The following KAZN variants were observed in gnomAD, a reference collection of about 807,000 sequenced individuals.
KAZN encodes the protein kazrin, periplakin interacting protein.
Under a neutral mutation model 87.4 loss-of-function variants are expected in KAZN, and 40 were observed. The observed-to-expected ratio is 0.46, with a 90% CI of 0.36 to 0.60. The LOEUF (loss-of-function observed/expected upper bound fraction) is 0.60, where lower values mean the gene tolerates loss of function less well. Among genes scored for constraint, KAZN ranks in the 20% least tolerant of loss-of-function variants. The probability of loss-of-function intolerance (pLI) is 0.00; values close to 1 mark genes in which losing one functional copy is unlikely to be tolerated. For missense variants in KAZN, 898 were observed against 1,073.9 expected (o/e 0.84, Z 2.29); for synonymous variants, 466 against 458.3 (o/e 1.02, Z -0.22).
At chr1:14,210,947 C>T (rs990581773) in intron 2 of KAZN, among the ~76,000 whole-genome samples, 3 of 152,004 alleles carry the variant, frequency 2.0e-5, no homozygotes, top group African/African-American at 7.2e-5. Context: ...ACTGTACACT[C>T]ATTGGAGAAT....
intron 2 of KAZN, chr1:14,351,157 C>G (rs1658524743): frequency 1.3e-5 from 2 of 152,198 alleles, no homozygotes; most frequent in South Asian, 4.1e-4. Flanking sequence ...CTGTTCTCAT[C>G]GAATCTCTGG....
intron 1 of KAZN, among the ~76,000 whole-genome samples, chr1:14,759,673 A>G (rs1159092029): frequency 6.6e-6 from 1 of 152,198 alleles, no homozygotes; most frequent in East Asian, 1.9e-4. Context: ...GGCAGGAGGA[A>G]GGAGGGGTTT....
At chr1:14,501,572 G>GT (rs1372616568) in intron 2 of KAZN, among the ~76,000 whole-genome samples, 3 of 152,064 alleles carry the variant, frequency 2.0e-5, no homozygotes, top group Non-Finnish European at 2.9e-5. Flanking sequence ...AAACACTTTG[G>GT]TATAAAGTCA....
chr1:14,206,145 A>G (rs892551902), intron 2 of KAZN, among the ~76,000 whole-genome samples: 11 of 152,170 alleles, frequency 7.2e-5, no homozygotes, highest in Admixed American at 1.3e-4. Flanking sequence ...TCTCATTTCC[A>G]TTTTTAATTT....
At chr1:15,058,079 G>A (rs1459825571) in intron 5 of KAZN, among the ~76,000 whole-genome samples, 2 of 152,310 alleles carry the variant, frequency 1.3e-5, no homozygotes, top group Admixed American at 6.5e-5. Flanking sequence ...CTATGCTCCT[G>A]TAAAGTTGGG....
intron 1 of KAZN, among the ~76,000 whole-genome samples, chr1:14,883,351 AAAGAAAAGAAAGAAAGAAAGAAAG>A (rs1247958944): frequency 3.2e-5 from 1 of 30,988 alleles, no homozygotes; most frequent in Non-Finnish European, 6.8e-5. Flanking sequence ...AGAAAGAAAG[AAAGAAAAGAAAGAAAGAAAGAAAG>A]AAAGAAAGAA....
chr1:14,890,509 C>T (rs1243660308), intron 1 of KAZN, among the ~76,000 whole-genome samples: 1 of 150,734 alleles, frequency 6.6e-6, no homozygotes, highest in East Asian at 1.9e-4. Context: ...AAATTTAAAT[C>T]TTTTTTTTTT....
intron 1 of KAZN, among the ~76,000 whole-genome samples, chr1:14,178,409 TTTA>T (rs1646129967): frequency 6.6e-6 from 1 of 152,210 alleles, no homozygotes; most frequent in African/African-American, 2.4e-5. Flanking sequence ...TTTGGATAGT[TTTA>T]TTGCTATGAT....
intron 1 of KAZN, among the ~76,000 whole-genome samples, chr1:14,736,468 T>A (rs1643911316): frequency 1.8e-5 from 1 of 56,088 alleles, no homozygotes; most frequent in Non-Finnish European, 4.4e-5. Context: ...CCAGCTAATT[T>A]TTTTTTTTTT....
chr1:14,122,589 T>C (rs1041112322), intron 1 of KAZN, among the ~76,000 whole-genome samples: 2 of 152,340 alleles, frequency 1.3e-5, no homozygotes, highest in African/African-American at 4.8e-5. Flanking sequence ...TTCTCTATTC[T>C]GTTACAGTAG....
intron 2 of KAZN, among the ~76,000 whole-genome samples, chr1:14,373,198 A>AAAAT (rs1214725416): frequency 2.0e-5 from 3 of 149,166 alleles, no homozygotes; most frequent in Non-Finnish European, 4.4e-5. Flanking sequence ...TGAAAAACTG[A>AAAAT]ATATATATAT....
chr1:14,447,678 G>C (rs1240295759), intron 2 of KAZN, among the ~76,000 whole-genome samples: 4 of 152,216 alleles, frequency 2.6e-5, no homozygotes, highest in South Asian at 2.1e-4. Context: ...CTAAAGCTGA[G>C]ATTCTGGCTC....
At chr1:13,929,368 G>A (rs12123612) in intron 1 of KAZN, among the ~76,000 whole-genome samples, 20,144 of 152,146 alleles carry the variant, frequency 0.13, 1,416 homozygotes, top group South Asian at 0.21. Flanking sequence ...ATTGGAGAGC[G>A]AGGTTGACTC....
intron 1 of KAZN, among the ~76,000 whole-genome samples, chr1:14,755,087 C>CAAAAAAAAAAAA (rs3032756): frequency 8.7e-6 from 1 of 115,572 alleles, no homozygotes; most frequent in Non-Finnish European, 1.7e-5. Context: ...ACTAAAAATG[C>CAAAAAAAAAAAA]AAAAAAAAAA....
chr1:14,938,843 A>C (rs1660744676), intron 1 of KAZN, among the ~76,000 whole-genome samples: 1 of 152,222 alleles, frequency 6.6e-6, no homozygotes, highest in Non-Finnish European at 1.5e-5. Context: ...AATGAGAATG[A>C]TGGCACCCAT....
chr1:14,257,289 T>C (rs1189069685), intron 2 of KAZN, among the ~76,000 whole-genome samples: 1 of 150,612 alleles, frequency 6.6e-6, no homozygotes. Flanking sequence ...TGTCTGTTCA[T>C]GTCCTTCGCC....
chr1:15,091,687 C>T (rs1250255032), intron 8 of KAZN, among the ~76,000 whole-genome samples: 4 of 152,170 alleles, frequency 2.6e-5, no homozygotes, highest in East Asian at 1.9e-4. Context: ...GATGTTTTCC[C>T]GTGACAGGAC....
chr1:14,281,048 T>C (rs1446203957), intron 2 of KAZN, among the ~76,000 whole-genome samples: 1 of 152,212 alleles, frequency 6.6e-6, no homozygotes, highest in African/African-American at 2.4e-5. Flanking sequence ...GAACACTGAA[T>C]GTTTGTTTAA....
chr1:14,182,868 C>T (rs994124613), intron 2 of KAZN, among the ~76,000 whole-genome samples: 2 of 152,122 alleles, frequency 1.3e-5, no homozygotes, highest in Non-Finnish European at 2.9e-5. Flanking sequence ...ATCTGAACAT[C>T]CTTTCGTTCA....
Sources: allele counts gnomAD v4.1 joint callset (sites outside exome capture counted in the v4.1 genomes callset), GRCh38; gene constraint gnomAD v4.1.1; transcripts MANE v1.5; gene names NCBI Gene and HGNC (gene_info 2026-07-23, HGNC 2026-07-21).